The following ELOVL4 variants were observed in gnomAD, a reference collection of about 807,000 sequenced individuals.
The protein encoded by ELOVL4 is very long chain fatty acid elongase 4.
Under a neutral mutation model 42.1 loss-of-function variants are expected in ELOVL4, and 18 were observed. The observed-to-expected ratio is 0.43, with a 90% CI of 0.30 to 0.63. ELOVL4 has a LOEUF of 0.63. ELOVL4 is among the 30% of genes least tolerant of loss of function. ELOVL4 has a pLI of 0.15. For missense variants in ELOVL4, 299 were observed against 376.2 expected, an observed-to-expected ratio of 0.79 and a Z score of 1.70; for synonymous variants, 117 against 127.0, an observed-to-expected ratio of 0.92 and a Z score of 0.53.
rs343629 is a variant in ELOVL4, at chr6:79,926,005, C to T, written c.288+189G>A. On this transcript the variant is annotated intron_variant, in intron 2 of 5. Coordinates refer to ENST00000369816, the MANE Select transcript of ELOVL4 (RefSeq NM_022726.4). Reference sequence around the variant, plus strand: ...CCAGTTGGTCTTATTCAAAATTCCACTTTAAACAACTTTCCTATACCTCAT... The same window carrying T: ...CCAGTTGGTCTTATTCAAAATTCCATTTTAAACAACTTTCCTATACCTCAT... Among the ~76,000 whole-genome samples, 42,862 of 152,014 alleles carry T rather than the reference C, an allele frequency of 0.28. 8,227 individuals are homozygous for T. Among genetic ancestry groups the T allele is most frequent in the African/African-American group, 0.55 (22,693 of 41,416 alleles).
intron 1 of ELOVL4, among the ~76,000 whole-genome samples, chr6:79,944,796 C>A (rs1426348219): frequency 6.6e-6 from 1 of 152,104 alleles, no homozygotes; most frequent in Non-Finnish European, 1.5e-5. Context: ...CATCCTTTCA[C>A]CACACTCATC....
At chr6:79,916,961 T>C in intron 5 of ELOVL4, 78 bp from the exon 6 acceptor site, 4 of 1,565,676 alleles carry the variant, frequency 2.6e-6, no homozygotes, top group Admixed American at 1.8e-5. Flanking sequence ...ATCTTCTACA[T>C]AGCTATCACA....
intron 1 of ELOVL4, among the ~76,000 whole-genome samples, chr6:79,929,780 A>C (rs913360726): frequency 2.0e-5 from 3 of 152,216 alleles, no homozygotes; most frequent in Non-Finnish European, 2.9e-5. Context: ...GCATGACCAG[A>C]GCACCTGCAC....
At chr6:79,943,129 A>G (rs1203142640) in intron 1 of ELOVL4, among the ~76,000 whole-genome samples, 1 of 152,220 alleles carries the variant, frequency 6.6e-6, no homozygotes, top group African/African-American at 2.4e-5. Flanking sequence ...TATTTTAGAT[A>G]ATAACATAGA....
intron 1 of ELOVL4, among the ~76,000 whole-genome samples, chr6:79,946,402 T>C (rs981697352): frequency 2.6e-5 from 4 of 152,110 alleles, no homozygotes; most frequent in Non-Finnish European, 5.9e-5. Flanking sequence ...AAGAAAAGTT[T>C]GCTGATTTAA....
At chr6:79,917,631 C>G (rs1412541641) in intron 5 of ELOVL4, among the ~76,000 whole-genome samples, 1 of 152,094 alleles carries the variant, frequency 6.6e-6, no homozygotes, top group African/African-American at 2.4e-5. Flanking sequence ...ACCAGCCTGG[C>G]CAACATGGTA....
chr6:79,920,796 A>C (rs747603457), intron 4 of ELOVL4, among the ~76,000 whole-genome samples: 6 of 152,172 alleles, frequency 3.9e-5, no homozygotes, highest in Non-Finnish European at 5.9e-5. Flanking sequence ...GGTATACTGA[A>C]TAAAGTGTGT....
At chr6:79,928,309 A>G (rs1774378516) in intron 1 of ELOVL4, among the ~76,000 whole-genome samples, 1 of 152,198 alleles carries the variant, frequency 6.6e-6, no homozygotes, top group Non-Finnish European at 1.5e-5. Context: ...CATGTAACAA[A>G]GAAAGGAAGA....
At chr6:79,926,836 C>T (rs1313517255) in intron 1 of ELOVL4, among the ~76,000 whole-genome samples, 2 of 152,092 alleles carry the variant, frequency 1.3e-5, no homozygotes, top group East Asian at 1.9e-4. Flanking sequence ...GAGGTACGTA[C>T]GGGGCGATGG....
chr6:79,922,266 A>C (rs1582045921), intron 3 of ELOVL4, among the ~76,000 whole-genome samples: 1 of 147,078 alleles, frequency 6.8e-6, no homozygotes, highest in East Asian at 2.0e-4. Context: ...CTCTCCCCTC[A>C]CCTCCCTCTC....
At chr6:79,945,610 G>C (rs1774725565) in intron 1 of ELOVL4, among the ~76,000 whole-genome samples, 1 of 152,114 alleles carries the variant, frequency 6.6e-6, no homozygotes, top group Non-Finnish European at 1.5e-5. Context: ...AACAGTGTCT[G>C]ACTCCTAGGT....
At chr6:79,937,599 G>A (rs139797219) in intron 1 of ELOVL4, among the ~76,000 whole-genome samples, 2 of 151,950 alleles carry the variant, frequency 1.3e-5, no homozygotes, top group African/African-American at 4.8e-5. Flanking sequence ...ATAAAACACT[G>A]GACACAGTGC....
chr6:79,935,766 TTTTACATTAATAAC>T (rs1165457696), intron 1 of ELOVL4, among the ~76,000 whole-genome samples: 1 of 152,194 alleles, frequency 6.6e-6, no homozygotes, highest in Non-Finnish European at 1.5e-5. Flanking sequence ...AGCATTTGAT[TTTTACATTAATAAC>T]TTAAGCATGT....
In ELOVL4 at chr6:79,937,983, C is replaced by A. The variant is rs150035115; in HGVS notation, c.100+9197G>T. Among the ~76,000 whole-genome samples, 868 of 152,342 alleles carry A rather than the reference C, an allele frequency of 5.7e-3. 8 individuals are homozygous for A. The highest frequency in any genetic ancestry group is 0.02 in the African/African-American group (817 of 41,576). ...GACCTCAATGATCCACCCGCCTCGGCCTCCCAAAGTGCTGGGATTACAGGC... is the reference window on the plus strand; with the variant it reads ...GACCTCAATGATCCACCCGCCTCGGACTCCCAAAGTGCTGGGATTACAGGC... On this transcript the variant is annotated intron_variant, in intron 1 of 5. Transcript: ENST00000369816.
intron 5 of ELOVL4, among the ~76,000 whole-genome samples, chr6:79,918,100 G>A (rs1384588053): frequency 1.3e-5 from 2 of 151,986 alleles, no homozygotes; most frequent in East Asian, 3.9e-4. Flanking sequence ...GACAATTGTG[G>A]TTTCTCTTTT....
chr6:79,918,547 C>G (rs1774198244), intron 5 of ELOVL4, among the ~76,000 whole-genome samples: 1 of 152,182 alleles, frequency 6.6e-6, no homozygotes, highest in Admixed American at 6.5e-5. Flanking sequence ...CCAGCATTTC[C>G]CAAAAGTTGT....
At chr6:79,932,190 T>G (rs1257247874) in intron 1 of ELOVL4, among the ~76,000 whole-genome samples, 2 of 152,184 alleles carry the variant, frequency 1.3e-5, no homozygotes, top group East Asian at 3.8e-4. Context: ...TTTGTCAAAA[T>G]TCAAAAACTG....
At chr6:79,917,016 T>C (rs1457480071) in intron 5 of ELOVL4, 133 bp from the exon 6 acceptor site, 3 of 925,042 alleles carry the variant, frequency 3.2e-6, no homozygotes, top group Non-Finnish European at 5.0e-6. Context: ...GTTTTCTGGC[T>C]CCCATGGCTA....
At chr6:79,940,058 T>C (rs567584791) in intron 1 of ELOVL4, among the ~76,000 whole-genome samples, 4 of 152,224 alleles carry the variant, frequency 2.6e-5, no homozygotes, top group Non-Finnish European at 5.9e-5. Context: ...TGCTGCTATG[T>C]ACGTGTGTGA....
Sources: allele counts gnomAD v4.1 joint callset (sites outside exome capture counted in the v4.1 genomes callset), GRCh38; gene constraint gnomAD v4.1.1; transcripts MANE v1.5; gene names NCBI Gene and HGNC (gene_info 2026-07-23, HGNC 2026-07-21).